The following LOXHD1 variants were observed in gnomAD, a reference collection of about 807,000 sequenced individuals.
LOXHD1 encodes lipoxygenase homology domain-containing protein 1.
In LOXHD1, 205 loss-of-function variants were observed where a neutral mutation model predicts 248.2. The ratio of observed to expected loss-of-function variants is 0.83; its 90% CI spans 0.74 to 0.93. The LOEUF is 0.93. Among genes scored for constraint, LOXHD1 ranks in the 40% least tolerant of loss-of-function variants. The pLI is 0.00. For synonymous variants in LOXHD1, 1,113 were observed against 1,162.8 expected (o/e 0.96, Z 0.87); for missense variants, 2,930 against 2,971.6 (o/e 0.99, Z 0.33).
chr18:46,547,424 G>A (rs751513748), intron 21 of LOXHD1, among the ~76,000 whole-genome samples: 1 of 152,240 alleles, frequency 6.6e-6, no homozygotes, highest in Non-Finnish European at 1.5e-5. Context: ...TACTTTAGTA[G>A]AGAGGGTTGT....
At position 46,603,748 on chromosome 18, in the gene LOXHD1, T is replaced by C. The variant is rs575423637; in HGVS notation, c.883+358A>G. Among the ~76,000 whole-genome samples the C allele has an allele frequency of 5.3e-5, 8 of 152,290 alleles. No individual in the cohort carries two copies. In the East Asian group the frequency reaches 1.2e-3, roughly 22 times the overall value. On this transcript the variant is annotated intron_variant, in intron 7 of 40. Transcript: ENST00000642948. Reference sequence around the variant, plus strand: ...ACTGAAGGACACCATGTAGGTCAGGTACCTACCTAGAAGGCCTGGCATATA... The same window carrying C: ...ACTGAAGGACACCATGTAGGTCAGGCACCTACCTAGAAGGCCTGGCATATA...
At chr18:46,549,926 G>C (rs1436179202) in intron 21 of LOXHD1, among the ~76,000 whole-genome samples, 1 of 152,158 alleles carries the variant, frequency 6.6e-6, no homozygotes, top group Non-Finnish European at 1.5e-5. Flanking sequence ...CATATTCCCA[G>C]CTTTTTTTGG....
chr18:46,576,875 T>C (rs970168168), intron 14 of LOXHD1, among the ~76,000 whole-genome samples: 4 of 152,284 alleles, frequency 2.6e-5, no homozygotes, highest in Admixed American at 6.5e-5. Context: ...ACATCTGCGT[T>C]CATGGTAAGA....
In LOXHD1 at chr18:46,591,975, C is replaced by A; in HGVS notation, c.1612G>T (p.Glu538Ter). ...ANEDDNEIVR[E>*]MTAEGPTVRR... is the part of the protein sequence containing the mutation. Reference sequence around the variant, plus strand: ...ACTGTTGGGCCTTCTGCAGTCATTTCCCTCACTATCTCATTGTCATCCTCA... The same window carrying A: ...ACTGTTGGGCCTTCTGCAGTCATTTACCTCACTATCTCATTGTCATCCTCA... Residue 538 changes from glutamate (E) to a stop codon, truncating the protein, a stop_gained, in exon 12 of 41, where the codon GAA becomes TAA. Transcript: ENST00000642948. LOFTEE classifies it high-confidence loss of function. The A allele has an allele frequency of 6.4e-7, 1 of 1,552,018 alleles. No individual in the cohort carries two copies. Among genetic ancestry groups the A allele is most frequent in the Non-Finnish European group, 8.7e-7 (1 of 1,147,062 alleles).
Position 46,486,333 on chromosome 18 carries a change from G to A in LOXHD1, c.6050-1182C>T, listed in dbSNP as rs577524939. On this transcript the variant is annotated intron_variant, in intron 38 of 40. Transcript: ENST00000642948. ...GATAAAAATAATGAAGATGAGAGAC[G>A]GCCATACCTGTGGCTCAATGTAGCA... 3.7e-4 allele frequency among the ~76,000 whole-genome samples: 57 copies of A among 152,212 alleles called. 1 individual carries two copies. Among genetic ancestry groups the A allele is most frequent in the Admixed American group, 3.6e-3 (55 of 15,300 alleles).
At chr18:46,583,227 A>G (rs2037996029) in intron 12 of LOXHD1, among the ~76,000 whole-genome samples, 2 of 152,228 alleles carry the variant, frequency 1.3e-5, no homozygotes, top group Non-Finnish European at 2.9e-5. Context: ...GCTAGAAGAA[A>G]ACAGAGGAAA....
chr18:46,569,332 G>A (rs2037705105), intron 16 of LOXHD1, 110 bp downstream of exon 16: 1 of 922,734 alleles, frequency 1.1e-6, no homozygotes, highest in Non-Finnish European at 1.7e-6. Context: ...TTATGTACAT[G>A]AGTGTGTGCG....
chr18:46,549,158 G>T (rs962035079), intron 21 of LOXHD1, among the ~76,000 whole-genome samples: 2 of 152,184 alleles, frequency 1.3e-5, no homozygotes, highest in African/African-American at 4.8e-5. Context: ...AGGGGACCAG[G>T]CAGGGGTTTT....
chr18:46,584,575 A>T (rs1406399492), intron 12 of LOXHD1, among the ~76,000 whole-genome samples: 13 of 152,010 alleles, frequency 8.6e-5, no homozygotes, highest in South Asian at 4.2e-4. Flanking sequence ...TTAGTAATTT[A>T]AAAAAAACCT....
chr18:46,478,011 C>T (rs1039267123), intron 40 of LOXHD1, 59 bp from the exon 41 acceptor site: 2 of 1,502,028 alleles, frequency 1.3e-6, no homozygotes, highest in African/African-American at 2.8e-5. Flanking sequence ...GCCGAGGCTG[C>T]TCCCTCCCCC....
intron 25 of LOXHD1, 81 bp downstream of exon 25, chr18:46,541,695 G>T: frequency 6.7e-7 from 1 of 1,483,966 alleles, no homozygotes; most frequent in Non-Finnish European, 9.2e-7. Context: ...AGTCAATCCT[G>T]AAGGAAGAAC....
chr18:46,584,438 C>T (rs566467483), intron 12 of LOXHD1, among the ~76,000 whole-genome samples: 97 of 152,184 alleles, frequency 6.4e-4, no homozygotes, highest in Non-Finnish European at 1.1e-3. Context: ...GATAGGCTAA[C>T]AACACTGATT....
intron 4 of LOXHD1, among the ~76,000 whole-genome samples, chr18:46,620,321 C>T (rs1436452485): frequency 2.6e-5 from 4 of 152,192 alleles, no homozygotes; most frequent in African/African-American, 9.6e-5. Context: ...TGGCAAGATG[C>T]CTAGGGCCCC....
chr18:46,563,289 C>G, intron 17 of LOXHD1, 64 bp from the exon 18 acceptor site: 1 of 1,401,072 alleles, frequency 7.1e-7, no homozygotes, highest in South Asian at 1.7e-5. Context: ...ATGATAGTAA[C>G]AAAACAAACC....
intron 2 of LOXHD1, among the ~76,000 whole-genome samples, chr18:46,648,802 C>T (rs540654152): frequency 4.0e-4 from 61 of 152,274 alleles, no homozygotes; most frequent in African/African-American, 1.4e-3. Flanking sequence ...ATGGTCTTCC[C>T]GATATCTGTG....
chr18:46,556,189 C>G (rs1237621664), intron 21 of LOXHD1, among the ~76,000 whole-genome samples: 3 of 151,990 alleles, frequency 2.0e-5, no homozygotes. Context: ...GTTACACCAG[C>G]AAAGCTGTTG....
At chr18:46,635,241 T>C (rs1047807786) in intron 4 of LOXHD1, among the ~76,000 whole-genome samples, 2 of 152,020 alleles carry the variant, frequency 1.3e-5, no homozygotes, top group Non-Finnish European at 2.9e-5. Flanking sequence ...GGGGTTTAAT[T>C]CCAGGAAGGC....
chr18:46,571,219 G>C (rs1308835833), intron 15 of LOXHD1, among the ~76,000 whole-genome samples: 1 of 152,168 alleles, frequency 6.6e-6, no homozygotes, highest in East Asian at 1.9e-4. Context: ...TCTAATCCCA[G>C]CACTTTGGGT....
chr18:46,601,089 A>G lies in LOXHD1; in HGVS notation c.1134+128T>C, dbSNP rs569666198. ...GACACGTAACCACCCAAAATGCCCA[A>G]TGAAAGAGATTGCCCATGCACTCTG... On this transcript the variant is annotated intron_variant, in intron 8 of 40. Coordinates refer to ENST00000642948, the MANE Select transcript of LOXHD1 (RefSeq NM_001384474.1). 1.3e-3 allele frequency: 1,700 copies of G among 1,271,624 alleles called. 4 individuals carry two copies. The highest frequency in any genetic ancestry group is 1.6e-3 in the Non-Finnish European group (1,542 of 942,472). The allele number at this position is 1,271,624 out of a possible 1,614,324, so 78.8% of individuals were successfully genotyped here.
Sources: allele counts gnomAD v4.1 joint callset (sites outside exome capture counted in the v4.1 genomes callset), GRCh38; gene constraint gnomAD v4.1.1; transcripts MANE v1.5; gene names NCBI Gene and HGNC (gene_info 2026-07-23, HGNC 2026-07-21).